The following PRKCE variants were observed in gnomAD, a reference collection of about 807,000 sequenced individuals.
The protein encoded by PRKCE is protein kinase C epsilon.
In PRKCE, 16 loss-of-function variants were observed where a neutral mutation model predicts 85.4. That is an observed-to-expected ratio of 0.19 (90% CI 0.13 to 0.28). The LOEUF (loss-of-function observed/expected upper bound fraction) is 0.28. PRKCE is among the 10% of genes least tolerant of loss of function. The pLI, the probability that PRKCE is intolerant of heterozygous loss-of-function variation, is 1.00. For missense variants in PRKCE, 573 were observed against 975.2 expected (o/e 0.59, Z 5.49); for synonymous variants, 388 against 371.5 (o/e 1.04, Z -0.51).
At chr2:45,700,987 C>T (rs187926416) in intron 1 of PRKCE, among the ~76,000 whole-genome samples, 3 of 152,270 alleles carry the variant, frequency 2.0e-5, no homozygotes, top group Admixed American at 2.0e-4. Flanking sequence ...TGTGGCCTTG[C>T]TAACACCTTG....
chr2:46,119,894 T>A (rs928935296), intron 11 of PRKCE, among the ~76,000 whole-genome samples: 5 of 152,244 alleles, frequency 3.3e-5, no homozygotes, highest in African/African-American at 1.2e-4. Flanking sequence ...GTAATGATAA[T>A]GTGTCTTTTA....
At chr2:45,798,748 C>T (rs1687626744) in intron 1 of PRKCE, among the ~76,000 whole-genome samples, 1 of 146,304 alleles carries the variant, frequency 6.8e-6, no homozygotes, top group Admixed American at 6.8e-5. Context: ...TGTATATGGG[C>T]CATGCTCAAC....
At chr2:45,673,942 G>C (rs1021888338) in intron 1 of PRKCE, among the ~76,000 whole-genome samples, 1 of 152,116 alleles carries the variant, frequency 6.6e-6, no homozygotes, top group African/African-American at 2.4e-5. Context: ...ATCAGGTCAG[G>C]GTGAATATTA....
chr2:46,130,845 C>G (rs1232924618), intron 11 of PRKCE, among the ~76,000 whole-genome samples: 2 of 152,236 alleles, frequency 1.3e-5, no homozygotes, highest in Middle Eastern at 3.2e-3. Flanking sequence ...AAGAGTAAAA[C>G]TGCAAATGCC....
intron 1 of PRKCE, among the ~76,000 whole-genome samples, chr2:45,710,186 C>T (rs1383064864): frequency 6.6e-6 from 1 of 152,230 alleles, no homozygotes; most frequent in Non-Finnish European, 1.5e-5. Context: ...CACTTAACCC[C>T]TGTAACAACC....
intron 13 of PRKCE, among the ~76,000 whole-genome samples, chr2:46,154,733 C>CTT (rs368843926): frequency 1.7e-4 from 23 of 136,344 alleles, no homozygotes; most frequent in African/African-American, 5.4e-4. Context: ...CTCAGTGAGG[C>CTT]TTTTTTTTTT....
intron 1 of PRKCE, among the ~76,000 whole-genome samples, chr2:45,674,254 C>G (rs1485534639): frequency 6.6e-6 from 1 of 152,120 alleles, no homozygotes; most frequent in East Asian, 1.9e-4. Flanking sequence ...TTCCTCTTGG[C>G]TGAGTATAAA....
chr2:45,665,779 C>G (rs1675882555), intron 1 of PRKCE, among the ~76,000 whole-genome samples: 1 of 152,216 alleles, frequency 6.6e-6, no homozygotes, highest in Non-Finnish European at 1.5e-5. Flanking sequence ...ATATGCAATT[C>G]AAATTTAGCT....
At chr2:46,038,675 ACACAC>A (rs1708034059) in intron 10 of PRKCE, among the ~76,000 whole-genome samples, 4 of 151,150 alleles carry the variant, frequency 2.6e-5, no homozygotes, top group African/African-American at 9.8e-5. Flanking sequence ...ACACACACAC[ACACAC>A]ACACACACAC....
intron 11 of PRKCE, among the ~76,000 whole-genome samples, chr2:46,128,271 A>AT (rs1292348495): frequency 6.6e-6 from 1 of 152,122 alleles, no homozygotes; most frequent in African/African-American, 2.4e-5. Context: ...CATGACAGTG[A>AT]TTTTTTTAGT....
chr2:45,831,327 T>A (rs548392372), intron 1 of PRKCE, among the ~76,000 whole-genome samples: 1 of 152,374 alleles, frequency 6.6e-6, no homozygotes, highest in East Asian at 1.9e-4. Context: ...GGAAATTAAC[T>A]ATGGTTAGAG....
At chr2:46,071,575 C>A (rs1199922144) in intron 10 of PRKCE, among the ~76,000 whole-genome samples, 1 of 152,152 alleles carries the variant, frequency 6.6e-6, no homozygotes, top group Non-Finnish European at 1.5e-5. Context: ...CTATACCACA[C>A]CAATGAGAAT....
chr2:46,064,260 G>T (rs976628701), intron 10 of PRKCE, among the ~76,000 whole-genome samples: 2 of 132,758 alleles, frequency 1.5e-5, no homozygotes, highest in Admixed American at 1.8e-4. Context: ...CCACCTGGGT[G>T]ACAGAGTGAG....
chr2:45,667,540 A>C (rs1261018941), intron 1 of PRKCE, among the ~76,000 whole-genome samples: 2 of 152,166 alleles, frequency 1.3e-5, no homozygotes, highest in Non-Finnish European at 2.9e-5. Context: ...CCTTTCTTCC[A>C]TAACTGAAGA....
In PRKCE at chr2:45,691,425, T is replaced by C. The variant is rs146684100; in HGVS notation, c.348+38977T>C. ...ACGCAGGCTCAGGGAGTGTTTCCCCTCTGTCCATCAAAGGTTTTTCTGGAA... is the reference window on the plus strand; with the variant it reads ...ACGCAGGCTCAGGGAGTGTTTCCCCCCTGTCCATCAAAGGTTTTTCTGGAA... On this transcript the variant is annotated intron_variant, in intron 1 of 14. Transcript: ENST00000306156. Among the ~76,000 whole-genome samples the C allele has an allele frequency of 5.6e-3, 847 of 152,298 alleles. 17 individuals are homozygous for C. The highest frequency in any genetic ancestry group is 0.01 in the Middle Eastern group (3 of 294).
chr2:45,831,388 A>G (rs1335370779), intron 1 of PRKCE, among the ~76,000 whole-genome samples: 1 of 152,222 alleles, frequency 6.6e-6, no homozygotes, highest in Non-Finnish European at 1.5e-5. Context: ...AAAGACAAAA[A>G]TTTCAGAGGT....
At position 46,066,158 on chromosome 2, in the gene PRKCE, G is replaced by T. The variant is rs377531496; in HGVS notation, c.1438-20050G>T. 1.6e-4 allele frequency among the ~76,000 whole-genome samples: 24 copies of T among 152,354 alleles called. No homozygotes were observed. The South Asian group carries it at 4.1e-3, about 26-fold the overall frequency. On this transcript the variant is annotated intron_variant, in intron 10 of 14. Transcript: ENST00000306156. ...ACAGAAGTGGTGAGGGGTTGCAGGG[G>T]CTGTAGCGTGGTGAGATGGCCCTGT... is the stretch of plus-strand genomic sequence containing the variant.
chr2:46,101,669 A>G (rs185842836), intron 11 of PRKCE, among the ~76,000 whole-genome samples: 24 of 152,296 alleles, frequency 1.6e-4, no homozygotes, highest in Middle Eastern at 3.4e-3. Flanking sequence ...TGATCCTAGT[A>G]TTTAATAGAA....
At chr2:46,105,969 T>C (rs1671675200) in intron 11 of PRKCE, among the ~76,000 whole-genome samples, 1 of 152,258 alleles carries the variant, frequency 6.6e-6, no homozygotes, top group South Asian at 2.1e-4. Flanking sequence ...GATTTATGTA[T>C]GTTTTATAGT....
Sources: gnomAD v4.1 joint callset for allele counts (sites outside exome capture counted in the v4.1 genomes callset) on GRCh38, gnomAD v4.1.1 for gene constraint, MANE v1.5 for transcripts, NCBI Gene and HGNC (gene_info 2026-07-23, HGNC 2026-07-21) for gene names.